CALN1: variants seen among roughly 807,000 people sequenced by gnomAD.
CALN1 encodes the protein calneuron 1, also known as calcium-binding protein 8.
Under a neutral mutation model 30.6 loss-of-function variants are expected in CALN1, and 17 were observed. The observed-to-expected ratio is 0.56, with a 90% CI of 0.38 to 0.83. CALN1 has a LOEUF of 0.83. Among genes scored for constraint, CALN1 ranks in the 40% least tolerant of loss-of-function variants. CALN1 has a pLI of 0.00. For synonymous variants in CALN1, 156 were observed against 131.4 expected (o/e 1.19, Z -1.28); for missense variants, 291 against 354.9 (o/e 0.82, Z 1.45).
intron 4 of CALN1, among the ~76,000 whole-genome samples, chr7:72,083,111 G>C (rs1305775099): frequency 6.6e-6 from 1 of 152,144 alleles, no homozygotes; most frequent in African/African-American, 2.4e-5. Context: ...TGAGGTGGGA[G>C]AATCGCTTGA....
intron 3 of CALN1, among the ~76,000 whole-genome samples, chr7:72,184,337 T>C (rs1206881357): frequency 6.6e-6 from 1 of 152,224 alleles, no homozygotes; most frequent in Non-Finnish European, 1.5e-5. Flanking sequence ...CCTCCATGCC[T>C]CAGTTTCCCC....
rs1792631309 is a variant in CALN1 at position 71,779,960 on chromosome 7, T to C, written c.*7815A>G. The C allele has an allele frequency of 6.6e-6, 1 of 152,114 alleles. No individual in the cohort carries two copies. The highest frequency in any genetic ancestry group is 2.1e-4 in the South Asian group (1 of 4,822). The allele number at this position is 152,114 out of a possible 1,614,324, so 9.4% of individuals were successfully genotyped here. ...ATTGGGGGCAATATACAAAATACAG[T>C]CATTTACTACTGTGCTTTGAGAGAC... is the stretch of plus-strand genomic sequence containing the variant. On this transcript the variant is annotated 3_prime_UTR_variant, in exon 7 of 7. Coordinates refer to ENST00000395275, the MANE Select transcript of CALN1 (RefSeq NM_031468.4).
intron 3 of CALN1, among the ~76,000 whole-genome samples, chr7:72,212,502 T>C (rs1028123654): frequency 5.3e-5 from 8 of 152,046 alleles, no homozygotes; most frequent in Middle Eastern, 3.2e-3. Flanking sequence ...GGGGGTACCA[T>C]AGAAGACGAC....
At chr7:71,874,952 G>A (rs1331219876) in intron 5 of CALN1, among the ~76,000 whole-genome samples, 2 of 151,996 alleles carry the variant, frequency 1.3e-5, no homozygotes, top group Non-Finnish European at 2.9e-5. Flanking sequence ...ATCACTTGAG[G>A]TCACGAGTTC....
chr7:72,199,588 C>T (rs1278098101), intron 3 of CALN1, among the ~76,000 whole-genome samples: 4 of 152,090 alleles, frequency 2.6e-5, no homozygotes, highest in Non-Finnish European at 5.9e-5. Flanking sequence ...CAGTGGTGCC[C>T]GTCTGTAATC....
chr7:72,189,611 A>G (rs1159673777), intron 3 of CALN1, among the ~76,000 whole-genome samples: 1 of 152,026 alleles, frequency 6.6e-6, no homozygotes, highest in African/African-American at 2.4e-5. Context: ...CGTCTCTACT[A>G]AAGACATAAA....
chr7:72,009,403 A>G (rs1799947211), intron 5 of CALN1, among the ~76,000 whole-genome samples: 1 of 152,240 alleles, frequency 6.6e-6, no homozygotes. Flanking sequence ...TACCATGACA[A>G]CTAATATTAA....
chr7:72,103,302 G>C, intron 4 of CALN1: 1 of 179,458 alleles, frequency 5.6e-6, no homozygotes, highest in South Asian at 1.4e-4. Flanking sequence ...AGGGTGGTAT[G>C]AAGCTAGTCA....
intron 6 of CALN1, among the ~76,000 whole-genome samples, chr7:71,802,780 T>C (rs1260933133): frequency 6.6e-6 from 1 of 152,174 alleles, no homozygotes; most frequent in East Asian, 1.9e-4. Flanking sequence ...CCCAGCACTT[T>C]GGGAGGCCGA....
intron 3 of CALN1, among the ~76,000 whole-genome samples, chr7:72,261,264 C>G (rs1448106010): frequency 6.6e-6 from 1 of 151,988 alleles, no homozygotes; most frequent in Admixed American, 6.6e-5. Context: ...GCGGAGATCA[C>G]GCCACTGCAT....
chr7:72,056,983 T>C (rs771598378), intron 4 of CALN1, among the ~76,000 whole-genome samples: 2 of 152,150 alleles, frequency 1.3e-5, no homozygotes, highest in Non-Finnish European at 2.9e-5. Context: ...CTCTGTTGCT[T>C]AGGCCGGAGT....
chr7:71,821,208 A>G (rs774034685), intron 5 of CALN1, among the ~76,000 whole-genome samples: 3 of 152,168 alleles, frequency 2.0e-5, no homozygotes, highest in Non-Finnish European at 2.9e-5. Context: ...GTGGGCTATG[A>G]AAGCCCCGAG....
chr7:71,947,121 G>A (rs1796444801), intron 5 of CALN1, among the ~76,000 whole-genome samples: 1 of 151,860 alleles, frequency 6.6e-6, no homozygotes, highest in African/African-American at 2.4e-5. Context: ...AGCCATTCTC[G>A]TGCCACAGCC....
At chr7:72,142,476 G>A (rs887879632) in intron 3 of CALN1, among the ~76,000 whole-genome samples, 1 of 152,190 alleles carries the variant, frequency 6.6e-6, no homozygotes. Context: ...TGGCCAGGAA[G>A]CTCGAACTGG....
chr7:72,413,069 T>G (rs1286727065), upstream of CALN1, among the ~76,000 whole-genome samples: 5 of 152,150 alleles, frequency 3.3e-5, no homozygotes, highest in Admixed American at 3.3e-4. Context: ...TTTGCACTGA[T>G]GGACGCCCTG....
rs190533124 is a variant in CALN1, at chr7:72,255,903, T to C, written c.244+22783A>G. Among the ~76,000 whole-genome samples, 23 of 152,176 alleles carry C rather than the reference T, an allele frequency of 1.5e-4. No homozygotes were observed. The East Asian group carries it at 4.3e-3, about 28-fold the overall frequency. ...GCACCAGCACGCTGGCTAATTTTTG[T>C]ATTTTTAGTAGAAATGAGGTTTCAC... On this transcript the variant is annotated intron_variant, in intron 3 of 6. Transcript: ENST00000395275.
At chr7:72,106,427 A>C in intron 3 of CALN1, 133 bp from the exon 4 acceptor site, 1 of 1,053,122 alleles carries the variant, frequency 9.5e-7, no homozygotes. Flanking sequence ...TTAATCAGAT[A>C]AAAGGGAGGA....
chr7:72,103,801 A>T (rs1161149788), intron 4 of CALN1, among the ~76,000 whole-genome samples: 1 of 152,060 alleles, frequency 6.6e-6, no homozygotes, highest in Non-Finnish European at 1.5e-5. Flanking sequence ...CTCTGAACAG[A>T]TCTGGACAAT....
At chr7:72,140,275 TAAGAGA>T (rs1325392019) in intron 3 of CALN1, among the ~76,000 whole-genome samples, 40 of 49,706 alleles carry the variant, frequency 8.0e-4, no homozygotes, top group East Asian at 7.4e-3. Context: ...TGTCTCAAAA[TAAGAGA>T]GAGAGAGAGA....
Sources: allele counts gnomAD v4.1 joint callset (sites outside exome capture counted in the v4.1 genomes callset), GRCh38; gene constraint gnomAD v4.1.1; transcripts MANE v1.5; gene names NCBI Gene and HGNC (gene_info 2026-07-23, HGNC 2026-07-21).